NFXL1: variants seen among roughly 807,000 people sequenced by gnomAD.
NFXL1 encodes the protein nuclear transcription factor, X-box binding like 1.
NFXL1 carries 66 observed loss-of-function variants against 123.3 expected under a neutral mutation model. The ratio of observed to expected loss-of-function variants is 0.54; its 90% confidence interval spans 0.44 to 0.66. The LOEUF is 0.66. Among genes scored for constraint, NFXL1 ranks in the 30% least tolerant of loss-of-function variants. The probability of loss-of-function intolerance (pLI) is 0.00; values close to 1 mark genes in which losing one functional copy is unlikely to be tolerated. For missense variants in NFXL1, 944 were observed against 1,125.6 expected, an observed-to-expected ratio of 0.84 and a Z score of 2.31; for synonymous variants, 346 against 360.8, an observed-to-expected ratio of 0.96 and a Z score of 0.46.
At position 47,862,852 on chromosome 4, in the gene NFXL1, A is replaced by G. The variant is rs1031525731; in HGVS notation, c.2310T>C (p.Pro770=). The change falls in exon 19 of 23, where the codon CCT becomes CCC. Residue 770 remains proline (P), a synonymous_variant. Coordinates refer to ENST00000507489, the MANE Select transcript of NFXL1 (RefSeq NM_001278624.2). ...AGGTTCTACTAAAGCTTACCTCTTT[A>G]GGGCACTGATTTTTGCAACAACTGA... ...NLLSCCKNQC[P]KELPCGHRCK... is the part of the protein sequence containing the mutation. 1 of 1,548,142 alleles carries G rather than the reference A, an allele frequency of 6.5e-7. No individual in the cohort carries two copies. The highest frequency in any genetic ancestry group is 1.4e-5 in the African/African-American group (1 of 72,510).
intron 19 of NFXL1, among the ~76,000 whole-genome samples, chr4:47,859,153 A>G (rs890601509): frequency 1.3e-5 from 2 of 152,136 alleles, no homozygotes; most frequent in Non-Finnish European, 1.5e-5. Context: ...GGTTTTTTCT[A>G]CTCTACTCAG....
chr4:47,853,064 A>G (rs1488033330), intron 20 of NFXL1, among the ~76,000 whole-genome samples: 1 of 152,016 alleles, frequency 6.6e-6, no homozygotes, highest in Non-Finnish European at 1.5e-5. Flanking sequence ...GAAAATTAAC[A>G]TGAACAAACA....
intron 9 of NFXL1, among the ~76,000 whole-genome samples, chr4:47,897,532 A>G (rs1175439067): frequency 6.6e-6 from 1 of 152,110 alleles, no homozygotes; most frequent in Non-Finnish European, 1.5e-5. Flanking sequence ...AGCCTCCCCT[A>G]TTGTCAAACC....
intron 3 of NFXL1, 138 bp downstream of exon 3, chr4:47,910,686 A>T (rs1040942866): frequency 1.3e-5 from 6 of 451,224 alleles, no homozygotes; most frequent in Non-Finnish European, 1.5e-5. Context: ...ACCAAAGTGT[A>T]CAAAAATTCA....
intron 11 of NFXL1, among the ~76,000 whole-genome samples, chr4:47,893,458 A>G (rs1736900145): frequency 1.3e-5 from 2 of 152,140 alleles, no homozygotes; most frequent in Non-Finnish European, 2.9e-5. Context: ...GACAGAAAAA[A>G]AGAGAAACAA....
intron 6 of NFXL1, 61 bp from the exon 7 acceptor site, chr4:47,899,181 C>T: frequency 7.1e-7 from 1 of 1,402,704 alleles, no homozygotes; most frequent in Non-Finnish European, 9.5e-7. Context: ...GAAACTAAAA[C>T]TTTCAATTTC....
chr4:47,879,086 T>C lies in NFXL1; in HGVS notation c.1938+10A>G. The C allele has an allele frequency of 2.2e-6, 3 of 1,388,008 alleles. No individual in the cohort carries two copies. Among genetic ancestry groups the C allele is most frequent in the African/African-American group, 1.5e-5 (1 of 65,946 alleles). 86.0% of individuals were successfully genotyped at this position (1,388,008 alleles called of 1,614,324 possible). A position where few individuals can be genotyped will look rare whatever the true frequency, so the allele number is the denominator to read the frequency against. On this transcript the variant is annotated intron_variant, in intron 16 of 22. Coordinates refer to ENST00000507489, the MANE Select transcript of NFXL1 (RefSeq NM_001278624.2). ...ATAAGCTTTACTTAAAAATTGTGCC[T>C]GTAACTTACCTCATGTTTCCCAAGA... is the stretch of plus-strand genomic sequence containing the variant.
At chr4:47,901,076 G>A (rs990905381) in intron 5 of NFXL1, among the ~76,000 whole-genome samples, 17 of 152,128 alleles carry the variant, frequency 1.1e-4, no homozygotes, top group African/African-American at 4.1e-4. Context: ...CCCAGTGAGG[G>A]TAATATGTGC....
intron 22 of NFXL1, among the ~76,000 whole-genome samples, chr4:47,849,592 C>T (rs1238121707): frequency 3.9e-5 from 6 of 152,126 alleles, no homozygotes; most frequent in African/African-American, 4.8e-5. Flanking sequence ...TCAGACTACT[C>T]CCAAGTGGTT....
intron 15 of NFXL1, 33 bp downstream of exon 15, chr4:47,884,313 T>A: frequency 3.0e-6 from 2 of 676,912 alleles, no homozygotes; most frequent in Non-Finnish European, 4.3e-6. Flanking sequence ...AAGTTTTTTG[T>A]TTTTTTTTTT....
intron 17 of NFXL1, among the ~76,000 whole-genome samples, chr4:47,876,086 GTTA>G (rs1289768957): frequency 6.6e-6 from 1 of 151,958 alleles, no homozygotes; most frequent in Non-Finnish European, 1.5e-5. Context: ...GATTACAACA[GTTA>G]TTATAAAATT....
At position 47,899,052 on chromosome 4, in the gene NFXL1, G is replaced by A. The variant is rs573705397; in HGVS notation, c.895C>T (p.Arg299Cys). The A allele has an allele frequency of 7.4e-6, 12 of 1,611,450 alleles. No homozygotes were observed. The highest frequency in any genetic ancestry group is 3.4e-5 in the Admixed American group (2 of 59,676). ...CYCKKAKPIPRRCSAKEWSCQ... is the reference protein window; with the variant it reads ...CYCKKAKPIPCRCSAKEWSCQ... ...GACCATTCCTTGGCACTGCACCTAC[G>A]AGGGATAGGTTTTGCTTTCTTACAG... The change falls in exon 7 of 23, where the codon CGT becomes TGT. Residue 299 changes from arginine to cysteine, a missense_variant. Arg to Cys is a radical substitution (Grantham distance 180, BLOSUM62 -3). This residue lies in a region of NFXL1 where 296 missense variants were observed against 395.1 expected (regional missense o/e 0.75). Coordinates refer to ENST00000507489, the MANE Select transcript of NFXL1 (RefSeq NM_001278624.2).
At chr4:47,877,568 A>C (rs922476585) in intron 17 of NFXL1, among the ~76,000 whole-genome samples, 29 of 152,074 alleles carry the variant, frequency 1.9e-4, no homozygotes, top group Non-Finnish European at 1.2e-4. Flanking sequence ...TTGTATCATT[A>C]TTTGTTAGTT....
intron 16 of NFXL1, 57 bp downstream of exon 16, chr4:47,879,039 C>T: frequency 1.0e-6 from 1 of 989,698 alleles, no homozygotes; most frequent in Non-Finnish European, 1.5e-6. Flanking sequence ...TAAAGTTATA[C>T]TAGTATGTAA....
chr4:47,862,953 C>A, intron 18 of NFXL1, 38 bp from the exon 19 acceptor site: 1 of 1,090,528 alleles, frequency 9.2e-7, no homozygotes, highest in South Asian at 1.4e-5. Flanking sequence ...AAACAAAAAT[C>A]CATTTTATAG....
In NFXL1 at chr4:47,899,129, C is replaced by T; in HGVS notation, c.827-9G>A. On this transcript the variant is annotated splice_polypyrimidine_tract_variant and intron_variant, in intron 6 of 22. Transcript: ENST00000507489. The stretch of plus-strand genomic sequence containing the variant: ...ACAAGGAGGGCAGGGACCTAGAATT[C>T]AGTAAAAGCAAAAAAAAAAAAAAAA... 1 of 952,008 alleles carries T rather than the reference C, an allele frequency of 1.1e-6. No individual in the cohort carries two copies. Among genetic ancestry groups the T allele is most frequent in the Non-Finnish European group, 1.5e-6 (1 of 689,330 alleles). 59.0% of individuals were successfully genotyped at this position (952,008 alleles called of 1,614,324 possible). A position where few individuals can be genotyped will look rare whatever the true frequency, so the allele number is the denominator to read the frequency against.
In NFXL1 at chr4:47,870,072, A is replaced by AT. The variant is rs561362606; in HGVS notation, c.2246+5054dup. Among the ~76,000 whole-genome samples the AT allele has an allele frequency of 4.6e-5, 7 of 152,274 alleles. No homozygotes were observed. In the South Asian group the frequency reaches 1.4e-3, roughly 32 times the overall value. On this transcript the variant is annotated intron_variant, in intron 18 of 22. Coordinates refer to ENST00000507489, the MANE Select transcript of NFXL1 (RefSeq NM_001278624.2). ...AAGTTATCAAAAACAACACACACAC[A>AT]TCAGGCCCAGATGGTTTCATAGAGG...
intron 11 of NFXL1, among the ~76,000 whole-genome samples, chr4:47,891,957 T>A (rs933251511): frequency 1.3e-4 from 20 of 151,532 alleles, no homozygotes; most frequent in Admixed American, 1.1e-3. Context: ...AAAGAGGCAA[T>A]ATAGTTTATT....
chr4:47,888,987 C>A (rs546077659), intron 12 of NFXL1, among the ~76,000 whole-genome samples: 2 of 152,140 alleles, frequency 1.3e-5, no homozygotes, highest in African/African-American at 4.8e-5. Context: ...TATTTATGGG[C>A]TTTGCTTCAC....
Sources: gnomAD v4.1 joint callset for allele counts (sites outside exome capture counted in the v4.1 genomes callset) on GRCh38, gnomAD v4.1.1 for gene constraint, gnomAD v4.1.1 regional missense constraint, MANE v1.5 for transcripts, NCBI Gene and HGNC (gene_info 2026-07-23, HGNC 2026-07-21) for gene names.